DMD: variants seen among roughly 807,000 people sequenced by gnomAD.
DMD encodes the protein mutant dystrophin.
In DMD, 63 loss-of-function variants were observed where a neutral mutation model predicts 330.1. The observed-to-expected ratio is 0.19, with a 90% CI of 0.16 to 0.24. DMD has a LOEUF of 0.24. Ranked by LOEUF, DMD falls within the 10% of genes least tolerant of loss-of-function variation. DMD has a pLI of 1.00. For missense variants in DMD, 3,344 were observed against 2,684.1 expected, an observed-to-expected ratio of 1.25 and a Z score of -5.43; for synonymous variants, 1,223 against 959.8, an observed-to-expected ratio of 1.27 and a Z score of -5.07.
At chrX:32,488,415 A>AGAATATGAGCT in intron 20 of DMD, among the ~76,000 whole-genome samples, 1 of 111,823 alleles carries the variant, frequency 8.9e-6, no homozygotes, top group South Asian at 3.7e-4. Context: ...GCCGATCATT[A>AGAATATGAGCT]GAATATGAGC....
chrX:31,295,222 C>T (rs995650496), intron 62 of DMD, among the ~76,000 whole-genome samples: 3 of 110,340 alleles, frequency 2.7e-5, no homozygotes, highest in Non-Finnish European at 5.7e-5. Flanking sequence ...ATCTCGATCT[C>T]CCGACCTTGT....
intron 11 of DMD, among the ~76,000 whole-genome samples, chrX:32,638,069 G>T (rs777264624): frequency 3.6e-5 from 4 of 111,462 alleles, no homozygotes; most frequent in African/African-American, 1.3e-4. Context: ...ATTATTGACA[G>T]AAAAATTATT....
chrX:32,966,043 A>T (rs1052226376), intron 2 of DMD, among the ~76,000 whole-genome samples: 6 of 112,264 alleles, frequency 5.3e-5, no homozygotes, highest in Non-Finnish European at 1.1e-4. Flanking sequence ...AAAGCAAAGT[A>T]TCTAAGATTC....
intron 7 of DMD, among the ~76,000 whole-genome samples, chrX:32,722,090 A>G (rs111654899): frequency 0.077 from 8,484 of 109,946 alleles, 817 homozygotes; most frequent in African/African-American, 0.27. Context: ...TCCAAAGAGC[A>G]GTATTTCCAA....
intron 19 of DMD, among the ~76,000 whole-genome samples, chrX:32,495,065 C>A (rs964373527): frequency 6.3e-5 from 7 of 111,062 alleles, no homozygotes; most frequent in African/African-American, 2.3e-4. Flanking sequence ...TATAAAGAAA[C>A]GAAAACATTT....
chrX:32,975,241 A>T (rs1283860530), intron 2 of DMD, among the ~76,000 whole-genome samples: 2 of 110,711 alleles, frequency 1.8e-5, no homozygotes, highest in South Asian at 7.6e-4. Context: ...GTCTTGATGG[A>T]CTATTAACAG....
chrX:33,052,513 A>G (rs1224920292), intron 1 of DMD, among the ~76,000 whole-genome samples: 2 of 111,989 alleles, frequency 1.8e-5, no homozygotes, highest in East Asian at 2.8e-4. Context: ...ATAACAAAAC[A>G]GGCAACAAAT....
intron 7 of DMD, among the ~76,000 whole-genome samples, chrX:32,705,002 A>T (rs753598376): frequency 8.9e-6 from 1 of 112,315 alleles, no homozygotes; most frequent in African/African-American, 3.2e-5. Flanking sequence ...TAAGTTGTAG[A>T]CCATATCATG....
intron 44 of DMD, among the ~76,000 whole-genome samples, chrX:32,188,946 A>G (rs1043768969): frequency 2.7e-5 from 3 of 110,603 alleles, no homozygotes; most frequent in Admixed American, 9.7e-5. Context: ...GCTTTTTCTT[A>G]TGTATATTTT....
chrX:32,946,184 T>A (rs1009049304), intron 2 of DMD, among the ~76,000 whole-genome samples: 1 of 111,251 alleles, frequency 9.0e-6, no homozygotes, highest in African/African-American at 3.2e-5. Flanking sequence ...TTATTTTCCC[T>A]TTAATCTCAA....
At chrX:32,381,743 C>T (rs978384345) in intron 33 of DMD, among the ~76,000 whole-genome samples, 4 of 111,144 alleles carry the variant, frequency 3.6e-5, no homozygotes, top group Non-Finnish European at 7.6e-5. Flanking sequence ...AGTTTATACT[C>T]TTACAAGTTG....
intron 44 of DMD, among the ~76,000 whole-genome samples, chrX:32,049,925 A>G (rs757604232): frequency 9.9e-5 from 11 of 111,517 alleles, no homozygotes; most frequent in Non-Finnish European, 1.9e-4. Context: ...TTTCATTATC[A>G]GTTGTATTGT....
intron 44 of DMD, among the ~76,000 whole-genome samples, chrX:32,049,922 A>T (rs1310576499): frequency 1.8e-5 from 2 of 111,504 alleles, no homozygotes; most frequent in Non-Finnish European, 3.8e-5. Flanking sequence ...CTTTTTCATT[A>T]TCAGTTGTAT....
intron 2 of DMD, among the ~76,000 whole-genome samples, chrX:32,923,007 T>C (rs367938475): frequency 8.9e-6 from 1 of 111,777 alleles, no homozygotes; most frequent in Non-Finnish European, 1.9e-5. Flanking sequence ...TATGAATTGA[T>C]ATATTTTTCC....
intron 50 of DMD, among the ~76,000 whole-genome samples, chrX:31,796,503 C>G (rs1337635163): frequency 1.8e-5 from 2 of 111,934 alleles, no homozygotes; most frequent in Non-Finnish European, 3.8e-5. Context: ...GTTAGAAATA[C>G]CTGTGGAACA....
intron 44 of DMD, among the ~76,000 whole-genome samples, chrX:32,103,206 A>ATT (rs1289686400): frequency 2.7e-5 from 3 of 112,023 alleles, no homozygotes; most frequent in Non-Finnish European, 5.6e-5. Flanking sequence ...AAAAGTCATC[A>ATT]TTATATATAT....
rs764814993 is a variant in DMD at position 32,336,078 on chromosome X, ATGT to A, written c.5922+6019_5922+6021del. Among the ~76,000 whole-genome samples, 398 of 96,292 alleles carry A rather than the reference ATGT, an allele frequency of 4.1e-3. 2 individuals are homozygous for A. Among genetic ancestry groups the A allele is most frequent in the Middle Eastern group, 0.019 (3 of 161 alleles). 83.6% of individuals were successfully genotyped at this position (96,292 alleles called of 115,157 possible). The stretch of plus-strand genomic sequence containing the variant: ...ACGTTATATATAACGTGTGTATAAC[ATGT>A]TATATATAACGTGTGTATACGTACA... On this transcript the variant is annotated intron_variant, in intron 41 of 78. Coordinates refer to ENST00000357033, the MANE Select transcript of DMD (RefSeq NM_004006.3).
chrX:32,215,161 T>C (rs1270913708), intron 44 of DMD, among the ~76,000 whole-genome samples: 1 of 111,369 alleles, frequency 9.0e-6, no homozygotes, highest in African/African-American at 3.3e-5. Context: ...AATTTGACAA[T>C]AGAGATTATA....
chrX:32,170,791 C>A (rs755348304), intron 44 of DMD, among the ~76,000 whole-genome samples: 1 of 110,668 alleles, frequency 9.0e-6, no homozygotes, highest in South Asian at 3.8e-4. Flanking sequence ...CAGTAACACT[C>A]CTGCAATTGT....
Sources: gnomAD v4.1 joint callset for allele counts (sites outside exome capture counted in the v4.1 genomes callset) on GRCh38, gnomAD v4.1.1 for gene constraint, MANE v1.5 for transcripts, NCBI Gene and HGNC (gene_info 2026-07-23, HGNC 2026-07-21) for gene names.